Variants in FREM3 observed in about 807,000 individuals in gnomAD.
FREM3 encodes the protein FRAS1-related extracellular matrix protein 3.
Under a neutral mutation model 129.1 loss-of-function variants are expected in FREM3, and 105 were observed. The observed-to-expected ratio is 0.81, with a 90% CI of 0.69 to 0.96. FREM3 has a LOEUF of 0.96. FREM3 is among the 40% of genes least tolerant of loss of function. FREM3 has a pLI of 0.00. For synonymous variants in FREM3, 1,014 were observed against 1,044.9 expected (o/e 0.97, Z 0.57); for missense variants, 2,593 against 2,666.3 (o/e 0.97, Z 0.61).
Position 143,655,021 on chromosome 4 carries a change from A to G in FREM3, c.5276-27261T>C, listed in dbSNP as rs531416769. Among the ~76,000 whole-genome samples, 19 of 152,286 alleles carry G rather than the reference A, an allele frequency of 1.2e-4. No individual in the cohort carries two copies. In the East Asian group the frequency reaches 3.5e-3, roughly 28 times the overall value. ...AGTGCAGCTGTTCCCTCCATCCTCC[A>G]TTTCCACACCAGGAGGCCCAGGCAG... On this transcript the variant is annotated intron_variant, in intron 2 of 7. Coordinates refer to ENST00000329798, the MANE Select transcript of FREM3 (RefSeq NM_001168235.2).
chr4:143,587,088 T>G (rs1046098683), intron 6 of FREM3, among the ~76,000 whole-genome samples: 6 of 152,048 alleles, frequency 3.9e-5, no homozygotes, highest in African/African-American at 1.4e-4. Context: ...GCTGAGGGAG[T>G]AGTAGTAGTA....
intron 7 of FREM3, among the ~76,000 whole-genome samples, chr4:143,584,927 C>T (rs926586857): frequency 6.6e-6 from 1 of 152,220 alleles, no homozygotes; most frequent in African/African-American, 2.4e-5. Flanking sequence ...ACCATCCACA[C>T]TCTCAGATTA....
chr4:143,640,436 A>T (rs1000786609), intron 2 of FREM3, among the ~76,000 whole-genome samples: 1 of 152,250 alleles, frequency 6.6e-6, no homozygotes, highest in Non-Finnish European at 1.5e-5. Flanking sequence ...ATCTTGTTAC[A>T]TAACTATGTA....
At chr4:143,669,635 T>C (rs1303094171) in intron 2 of FREM3, among the ~76,000 whole-genome samples, 1 of 151,672 alleles carries the variant, frequency 6.6e-6, no homozygotes, top group East Asian at 1.9e-4. Flanking sequence ...AATACATGTA[T>C]TCAACTGCTT....
At chr4:143,662,772 T>C (rs1014004976) in intron 2 of FREM3, among the ~76,000 whole-genome samples, 4 of 151,960 alleles carry the variant, frequency 2.6e-5, no homozygotes, top group African/African-American at 9.7e-5. Context: ...TGCTCCTGTA[T>C]TGGGTGTATA....
intron 2 of FREM3, among the ~76,000 whole-genome samples, chr4:143,674,778 A>G (rs1388926300): frequency 6.6e-6 from 1 of 152,216 alleles, no homozygotes; most frequent in Non-Finnish European, 1.5e-5. Context: ...ACCAACAAAG[A>G]TCAAAAGAGA....
chr4:143,688,715 G>A (rs6845417), intron 2 of FREM3, among the ~76,000 whole-genome samples: 20,544 of 151,874 alleles, frequency 0.14, 4,028 homozygotes, highest in African/African-American at 0.43. Context: ...CCCATAAATA[G>A]AGCCAACTAC....
intron 2 of FREM3, among the ~76,000 whole-genome samples, chr4:143,677,518 G>A (rs1364305429): frequency 6.6e-6 from 1 of 152,164 alleles, no homozygotes; most frequent in Non-Finnish European, 1.5e-5. Context: ...AAAAGCAATG[G>A]CAACAGAAGC....
chr4:143,638,363 T>A (rs1402682956), intron 2 of FREM3, among the ~76,000 whole-genome samples: 1 of 152,070 alleles, frequency 6.6e-6, no homozygotes. Flanking sequence ...TTTTTGGGAG[T>A]TGAGGCTCCA....
intron 2 of FREM3, among the ~76,000 whole-genome samples, chr4:143,678,242 G>T (rs1473831914): frequency 6.6e-6 from 1 of 152,152 alleles, no homozygotes; most frequent in African/African-American, 2.4e-5. Flanking sequence ...CCTTTGTAGA[G>T]ACATGGATAA....
chr4:143,627,581 C>T (rs1443017215), intron 3 of FREM3, 33 bp downstream of exon 3: 1 of 1,510,938 alleles, frequency 6.6e-7, no homozygotes, highest in Non-Finnish European at 8.9e-7. Context: ...GTTTCCATGA[C>T]CTTTTACCAA....
intron 2 of FREM3, among the ~76,000 whole-genome samples, chr4:143,671,564 CTT>C (rs1242055101): frequency 6.6e-6 from 1 of 151,956 alleles, no homozygotes; most frequent in Admixed American, 6.6e-5. Context: ...GGAAAGAAAA[CTT>C]TTGTTTTTTG....
rs1199835456 is a variant in FREM3, at chr4:143,697,233, T to A, written c.3443A>T (p.His1148Leu). 1.3e-6 allele frequency: 2 copies of A among 1,537,724 alleles called. No individual in the cohort carries two copies. ...GTGAATACTCTGTACATAATTGATA[T>A]GCCTCACTTGGATATCTCTGAGGGA... is the stretch of plus-strand genomic sequence containing the variant. Reference protein sequence around the residue: ...AFSLRDIQVRHINYVQSIHKG... With the variant: ...AFSLRDIQVRLINYVQSIHKG... Residue 1148 changes from histidine to leucine, a missense_variant, in exon 1 of 8, where the codon CAT (histidine) becomes CTT (leucine). Physicochemically the swap from His to Leu is moderately conservative, Grantham distance 99 (BLOSUM62 -3). Coordinates refer to ENST00000329798, the MANE Select transcript of FREM3 (RefSeq NM_001168235.2).
At chr4:143,599,595 C>T (rs1479916361) in intron 6 of FREM3, among the ~76,000 whole-genome samples, 4 of 152,162 alleles carry the variant, frequency 2.6e-5, no homozygotes, top group Non-Finnish European at 4.4e-5. Context: ...ACAGATCTGA[C>T]TTGAATCATG....
chr4:143,616,358 C>T (rs1738844623), intron 5 of FREM3, among the ~76,000 whole-genome samples: 1 of 152,100 alleles, frequency 6.6e-6, no homozygotes, highest in South Asian at 2.1e-4. Context: ...CCCCCCAAAC[C>T]GTCTGAGATG....
intron 3 of FREM3, among the ~76,000 whole-genome samples, chr4:143,625,725 A>T (rs970717635): frequency 1.2e-4 from 18 of 152,198 alleles, no homozygotes; most frequent in Admixed American, 6.5e-5. Context: ...TGAGGTGCTG[A>T]GGATGTCACA....
intron 2 of FREM3, among the ~76,000 whole-genome samples, chr4:143,688,088 C>T (rs1417526871): frequency 3.3e-5 from 5 of 152,048 alleles, no homozygotes; most frequent in African/African-American, 1.2e-4. Flanking sequence ...TGTTTGCTGA[C>T]GCTATGATCA....
chr4:143,696,085 T>A lies in FREM3; in HGVS notation c.4591A>T (p.Thr1531Ser). 6.5e-7 allele frequency: 1 copy of A among 1,537,526 alleles called. No individual in the cohort carries two copies. Among genetic ancestry groups the A allele is most frequent in the East Asian group, 2.4e-5 (1 of 40,916 alleles). ...ATAGGTTTCTTATTATCCACATCAG[T>A]GATGAAGATCCTGAAGGTTCTGAAC... is the stretch of plus-strand genomic sequence containing the variant. Reference protein sequence around the residue: ...PVFRTFRIFITDVDNKKPILT... With the variant: ...PVFRTFRIFISDVDNKKPILT... The change falls in exon 1 of 8, where the codon ACT (threonine) becomes TCT (serine). Residue 1531 changes from threonine (T) to serine (S), a missense_variant. Thr to Ser is a moderately conservative substitution (Grantham distance 58). This residue lies in a region of FREM3 where 2,276 missense variants were observed against 2,267.2 expected (regional missense o/e 1.00). Transcript: ENST00000329798.
At position 143,700,462 on chromosome 4, in the gene FREM3, GC is replaced by G; in HGVS notation, c.213del (p.Leu73TrpfsTer14). ...TCGAGCCAAAGGGAACGACCCAGGG[GC>G]ACCCGGAGTCCAGGGTTGGCAATCA... ...SVLIANPGLR[V>X]PLGRSLWLDP... On this transcript the variant is annotated frameshift_variant, in exon 1 of 8. Transcript: ENST00000329798. LOFTEE classifies it high-confidence loss of function. 6.6e-7 allele frequency: 1 copy of G among 1,516,134 alleles called. No homozygotes were observed. The highest frequency in any genetic ancestry group is 8.8e-7 in the Non-Finnish European group (1 of 1,135,346). The allele number at this position is 1,516,134 out of a possible 1,614,324, so 93.9% of individuals were successfully genotyped here. A position where few individuals can be genotyped will look rare whatever the true frequency, so the allele number is the denominator to read the frequency against.
Sources: allele counts gnomAD v4.1 joint callset (sites outside exome capture counted in the v4.1 genomes callset), GRCh38; gene constraint gnomAD v4.1.1; regional missense constraint gnomAD v4.1.1; transcripts MANE v1.5; gene names NCBI Gene and HGNC (gene_info 2026-07-23, HGNC 2026-07-21).